LRRC37A2: variants seen among roughly 807,000 people sequenced by gnomAD.
The protein encoded by LRRC37A2 is leucine-rich repeat-containing protein 37A2.
LRRC37A2 carries 9 observed loss-of-function variants against 68.8 expected under a neutral mutation model. The ratio of observed to expected loss-of-function variants is 0.13; its 90% CI spans 0.08 to 0.23. The LOEUF (loss-of-function observed/expected upper bound fraction) is 0.23, where lower values mean the gene tolerates loss of function less well. Ranked by LOEUF, LRRC37A2 falls within the 10% of genes least tolerant of loss-of-function variation. LRRC37A2 has a pLI of 1.00. For synonymous variants in LRRC37A2, 63 were observed against 367.6 expected, an observed-to-expected ratio of 0.17 and a Z score of 9.48; for missense variants, 168 against 950.4, an observed-to-expected ratio of 0.18 and a Z score of 10.82.
the LRRC37A2 span, among the ~76,000 whole-genome samples, chr17:46,708,058 A>G: frequency 1.3e-5 from 2 of 151,192 alleles, no homozygotes; most frequent in African/African-American, 4.9e-5. Flanking sequence ...AAAATCCATG[A>G]TATGTACATA....
chr17:46,806,501 G>A, the LRRC37A2 span, among the ~76,000 whole-genome samples: 18 of 152,178 alleles, frequency 1.2e-4, no homozygotes, highest in Admixed American at 1.1e-3. Context: ...GAGCCACCGC[G>A]CCCAGCTGAG....
At chr17:46,881,650 A>G in the LRRC37A2 span, among the ~76,000 whole-genome samples, 1 of 152,058 alleles carries the variant, frequency 6.6e-6, no homozygotes, top group South Asian at 2.1e-4. Context: ...AGGCCCGCAG[A>G]CCCCTCCACC....
At chr17:46,685,256 C>A in the LRRC37A2 span, among the ~76,000 whole-genome samples, 1 of 146,992 alleles carries the variant, frequency 6.8e-6, no homozygotes, top group Non-Finnish European at 1.5e-5. Flanking sequence ...TTTAAAGTTG[C>A]AAGCAATTTA....
At chr17:46,931,545 G>A in the LRRC37A2 span, 30 of 374,654 alleles carry the variant, frequency 8.0e-5, no homozygotes, top group African/African-American at 5.3e-4. Flanking sequence ...TTCCTGCTGG[G>A]TTCTTCTTGG....
the LRRC37A2 span, among the ~76,000 whole-genome samples, chr17:46,781,569 C>T: frequency 2.6e-5 from 4 of 152,234 alleles, no homozygotes; most frequent in African/African-American, 9.6e-5. Context: ...GAAAGTAGAA[C>T]AGAGGTTGCC....
At chr17:46,494,158 TG>T in the LRRC37A2 span, among the ~76,000 whole-genome samples, 1 of 151,044 alleles carries the variant, frequency 6.6e-6, no homozygotes, top group South Asian at 2.1e-4. Flanking sequence ...TTCTTACTGT[TG>T]GGTAGTAAGA....
chr17:46,856,496 T>G, the LRRC37A2 span, among the ~76,000 whole-genome samples: 1 of 151,982 alleles, frequency 6.6e-6, no homozygotes, highest in Non-Finnish European at 1.5e-5. Flanking sequence ...TTCTTTTTTT[T>G]TTTTTTGAGA....
chr17:46,598,673 A>G, the LRRC37A2 span, among the ~76,000 whole-genome samples: 1 of 152,148 alleles, frequency 6.6e-6, no homozygotes, highest in Non-Finnish European at 1.5e-5. Flanking sequence ...CAGAATATTC[A>G]GTATCAGTAT....
At chr17:46,807,603 C>A in the LRRC37A2 span, among the ~76,000 whole-genome samples, 1 of 152,350 alleles carries the variant, frequency 6.6e-6, no homozygotes, top group African/African-American at 2.4e-5. Flanking sequence ...TTTTAATTCG[C>A]ATGTGCCTTG....
chr17:46,779,819 C>T, the LRRC37A2 span, among the ~76,000 whole-genome samples: 5 of 152,212 alleles, frequency 3.3e-5, no homozygotes, highest in East Asian at 1.9e-4. Flanking sequence ...GAGTACAAAG[C>T]GTGATCTTGG....
intron 6 of LRRC37A2, among the ~76,000 whole-genome samples, chr17:46,535,106 C>A (rs1240592332): frequency 6.7e-6 from 1 of 148,330 alleles, no homozygotes; most frequent in African/African-American, 2.6e-5. Flanking sequence ...ATTGCCAGTG[C>A]TGGTATCCAA....
the LRRC37A2 span, among the ~76,000 whole-genome samples, chr17:46,750,551 G>A: frequency 6.6e-6 from 1 of 152,166 alleles, no homozygotes. Flanking sequence ...TTGGATTAGG[G>A]ATACTCAACC....
At chr17:46,973,406 G>A in the LRRC37A2 span, among the ~76,000 whole-genome samples, 9 of 151,898 alleles carry the variant, frequency 5.9e-5, no homozygotes, top group African/African-American at 1.2e-4. Flanking sequence ...CAAGTGATTC[G>A]CCCACCTTAG....
the LRRC37A2 span, among the ~76,000 whole-genome samples, chr17:46,724,828 T>C: frequency 6.6e-6 from 1 of 152,146 alleles, no homozygotes; most frequent in East Asian, 1.9e-4. Flanking sequence ...GGCCTTTTTT[T>C]CTTCTTCTTC....
the LRRC37A2 span, among the ~76,000 whole-genome samples, chr17:46,974,766 A>G: frequency 6.6e-6 from 1 of 150,868 alleles, no homozygotes; most frequent in Non-Finnish European, 1.5e-5. Flanking sequence ...CTCAAGTGAA[A>G]CTGATTTGAA....
chr17:46,816,677 C>T, the LRRC37A2 span, among the ~76,000 whole-genome samples: 1 of 151,960 alleles, frequency 6.6e-6, no homozygotes, highest in Non-Finnish European at 1.5e-5. Context: ...CCCAAGATAC[C>T]ATTTCACACC....
the LRRC37A2 span, among the ~76,000 whole-genome samples, chr17:46,944,879 C>A: frequency 1.3e-5 from 2 of 152,148 alleles, no homozygotes; most frequent in East Asian, 3.9e-4. Flanking sequence ...GGATTACTGG[C>A]ATAAGCCACC....
chr17:46,732,091 A>T, the LRRC37A2 span, among the ~76,000 whole-genome samples: 1 of 152,246 alleles, frequency 6.6e-6, no homozygotes, highest in Non-Finnish European at 1.5e-5. Context: ...TATTGTAGAA[A>T]TGCATAGAGT....
chr17:46,983,175 A>G, the LRRC37A2 span, among the ~76,000 whole-genome samples: 1,541 of 151,318 alleles, frequency 0.01, 30 homozygotes, highest in African/African-American at 0.035. Context: ...TGGTCTGGCC[A>G]TTGTCTATTT....
Sources: allele counts gnomAD v4.1 joint callset (sites outside exome capture counted in the v4.1 genomes callset), GRCh38; gene constraint gnomAD v4.1.1; transcripts MANE v1.5; gene names NCBI Gene and HGNC (gene_info 2026-07-23, HGNC 2026-07-21).